DLGAP3: variants seen among roughly 807,000 people sequenced by gnomAD.
DLGAP3 encodes DLG associated protein 3, also known as disks large-associated protein 3.
Under a neutral mutation model 81.2 loss-of-function variants are expected in DLGAP3, and 17 were observed. The ratio of observed to expected loss-of-function variants is 0.21; its 90% CI spans 0.14 to 0.31. The LOEUF is 0.31. DLGAP3 is among the 10% of genes least tolerant of loss of function. The pLI, the probability that DLGAP3 is intolerant of heterozygous loss-of-function variation, is 1.00. For synonymous variants in DLGAP3, 577 were observed against 587.4 expected, an observed-to-expected ratio of 0.98 and a Z score of 0.26; for missense variants, 1,124 against 1,388.0, an observed-to-expected ratio of 0.81 and a Z score of 3.02.
chr1:34,899,087 C>CTTTT (rs58075518), intron 5 of DLGAP3, among the ~76,000 whole-genome samples: 3 of 142,120 alleles, frequency 2.1e-5, no homozygotes, highest in Non-Finnish European at 3.1e-5. Flanking sequence ...ATCAATTCTA[C>CTTTT]TTTTTTTTTT....
intron 1 of DLGAP3, among the ~76,000 whole-genome samples, chr1:34,912,851 T>G (rs1436570191): frequency 6.6e-6 from 1 of 152,226 alleles, no homozygotes; most frequent in Non-Finnish European, 1.5e-5. Context: ...ATTATTCAAC[T>G]GTGCCCATGG....
In DLGAP3 at chr1:34,906,016, T is replaced by TTTTATATATATATATA. The variant is rs60469155; in HGVS notation, c.-51-583_-51-582insTATATATATATATAAA. On this transcript the variant is annotated intron_variant, in intron 2 of 11. Transcript: ENST00000373347. ...ACAGAGCGAGACCTGGCCTCTAAAT[T>TTTTATATATATATATA]TATATATATATATATATTTGTTTGT... Among the ~76,000 whole-genome samples the TTTTATATATATATATA allele has an allele frequency of 3.4e-3, 222 of 64,798 alleles. 24 individuals are homozygous for TTTTATATATATATATA. Among genetic ancestry groups the TTTTATATATATATATA allele is most frequent in the African/African-American group, 8.7e-3 (187 of 21,618 alleles). The allele number at this position is 64,798 out of a possible 152,430, so 42.5% of individuals were successfully genotyped here. A position where few individuals can be genotyped will look rare whatever the true frequency, so the allele number is the denominator to read the frequency against.
At chr1:34,924,010 C>A (rs1272947800) in intron 1 of DLGAP3, among the ~76,000 whole-genome samples, 1 of 152,156 alleles carries the variant, frequency 6.6e-6, no homozygotes, top group Non-Finnish European at 1.5e-5. Flanking sequence ...AGTGAAGCCA[C>A]CATCATCCCT....
In DLGAP3 at chr1:34,903,409, T is replaced by C. The variant is rs74064471; in HGVS notation, c.1107+868A>G. 1.5e-3 allele frequency among the ~76,000 whole-genome samples: 229 copies of C among 152,330 alleles called. 1 individual carries two copies. Among genetic ancestry groups the C allele is most frequent in the African/African-American group, 5.1e-3 (213 of 41,574 alleles). On this transcript the variant is annotated intron_variant, in intron 3 of 11. Coordinates refer to ENST00000373347, the MANE Select transcript of DLGAP3 (RefSeq NM_001080418.3). ...ACCCAGAAAACGCTCATTGAATAAA[T>C]AGATCTGTATCAACTATGTCGAATG...
rs1639437158 is a variant in DLGAP3, at chr1:34,900,319, T to C, written c.1108-46A>G. 12 of 1,589,626 alleles carry C rather than the reference T, an allele frequency of 7.5e-6. No homozygotes were observed. The East Asian group carries it at 2.7e-4, about 36-fold the overall frequency. On this transcript the variant is annotated intron_variant, in intron 3 of 11. Coordinates refer to ENST00000373347, the MANE Select transcript of DLGAP3 (RefSeq NM_001080418.3). This position sits in a 1 kb window ranked among gnomAD's most constrained non-coding sequence, Gnocchi z 5.6. ...GTCTCTCAGACATGACCCTAGTAAA[T>C]CTAGAGGCCAGGACTCTTTCCCCAC... is the stretch of plus-strand genomic sequence containing the variant.
chr1:34,869,480 A>ATT (rs71029050), intron 8 of DLGAP3, among the ~76,000 whole-genome samples: 35 of 69,262 alleles, frequency 5.1e-4, no homozygotes, highest in African/African-American at 1.3e-3. Context: ...AGATATTTCA[A>ATT]TTTTTTTTTT....
chr1:34,895,917 TACACACACAC>T lies in DLGAP3; in HGVS notation c.1386+3742_1386+3751del, dbSNP rs34456104. 2.8e-4 allele frequency among the ~76,000 whole-genome samples: 41 copies of T among 144,582 alleles called. No homozygotes were observed. Among genetic ancestry groups the T allele is most frequent in the Admixed American group, 3.4e-4 (5 of 14,684 alleles). The allele number at this position is 144,582 out of a possible 152,430, so 94.9% of individuals were successfully genotyped here. A position where few individuals can be genotyped will look rare whatever the true frequency, so the allele number is the denominator to read the frequency against. On this transcript the variant is annotated intron_variant, in intron 5 of 11. Coordinates refer to ENST00000373347, the MANE Select transcript of DLGAP3 (RefSeq NM_001080418.3). This position sits in a 1 kb window ranked among gnomAD's most constrained non-coding sequence, Gnocchi z 4.5. ...CTGGACCCCTAACTTGAATCACACA[TACACACACAC>T]ACACACACACACACACACACACACA...
chr1:34,922,700 T>C (rs1344668755), intron 1 of DLGAP3, among the ~76,000 whole-genome samples: 4 of 152,198 alleles, frequency 2.6e-5, no homozygotes, highest in Non-Finnish European at 5.9e-5. Context: ...TATGTACATA[T>C]ACACAGTCAT....
chr1:34,912,492 T>C (rs1639654015), intron 1 of DLGAP3, among the ~76,000 whole-genome samples: 1 of 152,212 alleles, frequency 6.6e-6, no homozygotes, highest in Admixed American at 6.5e-5. Context: ...AAGCTGGACA[T>C]GACGATCCAA....
At chr1:34,884,309 C>T (rs1398351680) in intron 8 of DLGAP3, among the ~76,000 whole-genome samples, 1 of 152,024 alleles carries the variant, frequency 6.6e-6, no homozygotes, top group Non-Finnish European at 1.5e-5. Context: ...AGCTCCCAGA[C>T]ACCCTTTCTC....
At chr1:34,922,083 T>C (rs1639804436) in intron 1 of DLGAP3, among the ~76,000 whole-genome samples, 1 of 152,196 alleles carries the variant, frequency 6.6e-6, no homozygotes, top group South Asian at 2.1e-4. Flanking sequence ...GAAACTTCTG[T>C]AGCAATGCCA....
chr1:34,911,022 A>ACCCCCCCCCCC (rs58074971), intron 1 of DLGAP3, among the ~76,000 whole-genome samples: 3 of 132,026 alleles, frequency 2.3e-5, no homozygotes, highest in Admixed American at 8.1e-5. Flanking sequence ...GATATTATCC[A>ACCCCCCCCCCC]CCCCCCCCCC....
chr1:34,872,871 C>G (rs1639001128), intron 8 of DLGAP3, among the ~76,000 whole-genome samples: 1 of 152,126 alleles, frequency 6.6e-6, no homozygotes. Context: ...GTTTGAAACC[C>G]CATTGAGACT....
chr1:34,905,235 G>C lies in DLGAP3; in HGVS notation c.149C>G (p.Pro50Arg), dbSNP rs544160613. The change falls in exon 3 of 12, where the codon CCG (proline) becomes CGG (arginine). Residue 50 changes from proline (P) to arginine (R), a missense_variant. This residue lies in a region of DLGAP3 where 167 missense variants were observed against 172.1 expected (regional missense o/e 0.97). Transcript: ENST00000373347. ...AGAAATGTGTCCCAGGCCAGCTCTC[G>C]GGGCACAGAAGCGGGGCTCGGTGGA... is the stretch of plus-strand genomic sequence containing the variant. ...AFSTEPRFCA[P>R]RAGLGHISPE... is the part of the protein sequence containing the mutation. 30 of 1,597,042 alleles carry C rather than the reference G, an allele frequency of 1.9e-5. No homozygotes were observed. The South Asian group carries it at 3.1e-4, about 16-fold the overall frequency.
rs536203761 is a variant in DLGAP3, at chr1:34,900,569, T to A, written c.1108-296A>T. Among the ~76,000 whole-genome samples, 1 of 152,186 alleles carries A rather than the reference T, an allele frequency of 6.6e-6. No homozygotes were observed. The highest frequency in any genetic ancestry group is 2.4e-5 in the African/African-American group (1 of 41,450). On this transcript the variant is annotated intron_variant, in intron 3 of 11. Transcript: ENST00000373347. The surrounding 1 kb of genome is among the most constrained non-coding windows in gnomAD (Gnocchi z 5.6). ...CAGAGGCCAAAGTGACCTGTGTCAA[T>A]CCCATGCCCAGCAGTCAGGCATCAC...
intron 8 of DLGAP3, among the ~76,000 whole-genome samples, chr1:34,879,082 G>GA (rs555503023): frequency 6.1e-4 from 84 of 138,638 alleles, no homozygotes; most frequent in South Asian, 4.8e-3. Context: ...AAAAAAAAAA[G>GA]AAAAAAAAAA....
intron 3 of DLGAP3, among the ~76,000 whole-genome samples, chr1:34,901,904 C>A (rs933417151): frequency 1.3e-5 from 2 of 152,036 alleles, no homozygotes; most frequent in African/African-American, 4.8e-5. Flanking sequence ...ATGGAAAGAG[C>A]CAGTAAAAAT....
chr1:34,915,411 G>A (rs922207995), intron 1 of DLGAP3, among the ~76,000 whole-genome samples: 1 of 152,198 alleles, frequency 6.6e-6, no homozygotes, highest in Non-Finnish European at 1.5e-5. Flanking sequence ...GCAGGTAGGA[G>A]CCCAAGCCCA....
rs1638902699 is a variant in DLGAP3, at chr1:34,867,415, A to G, written c.2577+121T>C. 1 of 1,072,826 alleles carries G rather than the reference A, an allele frequency of 9.3e-7. No individual in the cohort carries two copies. Among genetic ancestry groups the G allele is most frequent in the Admixed American group, 1.7e-5 (1 of 59,368 alleles). The allele number at this position is 1,072,826 out of a possible 1,614,324, so 66.5% of individuals were successfully genotyped here. ...AAGACTCACAGCTACCCCAGAAGGC[A>G]TGCAGGCCTGGTCTCACCTCTGGTA... On this transcript the variant is annotated intron_variant, in intron 10 of 11. Transcript: ENST00000373347. This position sits in a 1 kb window ranked among gnomAD's most constrained non-coding sequence, Gnocchi z 4.3.
Sources: gnomAD v4.1 joint callset for allele counts (sites outside exome capture counted in the v4.1 genomes callset) on GRCh38, gnomAD v4.1.1 for gene constraint, gnomAD v4.1.1 regional missense constraint, Gnocchi (gnomAD v3.1) non-coding constraint, MANE v1.5 for transcripts, NCBI Gene and HGNC (gene_info 2026-07-23, HGNC 2026-07-21) for gene names.